The following SLC24A3 variants were observed in gnomAD, a reference collection of about 807,000 sequenced individuals.
SLC24A3 encodes the protein solute carrier family 24 member 3.
A neutral mutation model predicts 75.8 loss-of-function variants in SLC24A3; 28 were observed. The ratio of observed to expected loss-of-function variants is 0.37; its 90% CI spans 0.27 to 0.51. The LOEUF (loss-of-function observed/expected upper bound fraction) is 0.51, where lower values mean the gene tolerates loss of function less well. SLC24A3 is among the 20% of genes least tolerant of loss of function. The pLI, the probability that SLC24A3 is intolerant of heterozygous loss-of-function variation, is 0.94. For synonymous variants in SLC24A3, 372 were observed against 334.1 expected, an observed-to-expected ratio of 1.11 and a Z score of -1.24; for missense variants, 663 against 847.8, an observed-to-expected ratio of 0.78 and a Z score of 2.71.
intron 2 of SLC24A3, among the ~76,000 whole-genome samples, chr20:19,292,598 G>A (rs1334019757): frequency 1.3e-5 from 2 of 152,236 alleles, no homozygotes; most frequent in Admixed American, 6.5e-5. Context: ...CGGATGATGG[G>A]GATTTTGGTC....
chr20:19,706,532 A>C (rs1214137232), intron 15 of SLC24A3, among the ~76,000 whole-genome samples: 1 of 152,102 alleles, frequency 6.6e-6, no homozygotes, highest in Non-Finnish European at 1.5e-5. Context: ...GAGCTTGTAG[A>C]ATACCAAGAT....
chr20:19,227,004 T>TGAAA (rs1201098779), intron 1 of SLC24A3, among the ~76,000 whole-genome samples: 33 of 152,352 alleles, frequency 2.2e-4, no homozygotes, highest in African/African-American at 7.9e-4. Flanking sequence ...AAGGTGGTAT[T>TGAAA]TCAGCATCAA....
At chr20:19,515,015 G>A (rs543684148) in intron 2 of SLC24A3, among the ~76,000 whole-genome samples, 1 of 152,326 alleles carries the variant, frequency 6.6e-6, no homozygotes, top group East Asian at 1.9e-4. Context: ...ATCCAGTGAA[G>A]CCTACAGCCC....
chr20:19,523,548 A>C (rs1033586551), intron 3 of SLC24A3, among the ~76,000 whole-genome samples: 4 of 152,238 alleles, frequency 2.6e-5, no homozygotes, highest in Admixed American at 2.6e-4. Context: ...AGGTCTAATC[A>C]TTCAGCCCCA....
chr20:19,267,369 G>T (rs1005492169), intron 1 of SLC24A3, among the ~76,000 whole-genome samples: 12 of 152,232 alleles, frequency 7.9e-5, no homozygotes, highest in African/African-American at 2.9e-4. Flanking sequence ...ACTAAATCAA[G>T]ATATTAAATT....
chr20:19,584,584 ACCTACCG>A (rs2031267190), intron 4 of SLC24A3, among the ~76,000 whole-genome samples: 1 of 152,150 alleles, frequency 6.6e-6, no homozygotes, highest in African/African-American at 2.4e-5. Flanking sequence ...ATAGCCTCAG[ACCTACCG>A]CCTGCTGTGG....
intron 6 of SLC24A3, among the ~76,000 whole-genome samples, chr20:19,622,151 C>A (rs6081685): frequency 2.6e-5 from 4 of 152,184 alleles, no homozygotes; most frequent in Non-Finnish European, 5.9e-5. Context: ...TGCCACGAAC[C>A]TTCAGGAACT....
At chr20:19,234,748 T>C (rs1286196181) in intron 1 of SLC24A3, among the ~76,000 whole-genome samples, 1 of 152,200 alleles carries the variant, frequency 6.6e-6, no homozygotes, top group Non-Finnish European at 1.5e-5. Context: ...AAGGTATTTC[T>C]AAAGGGTCTG....
intron 9 of SLC24A3, among the ~76,000 whole-genome samples, chr20:19,679,614 C>T (rs1258325211): frequency 6.6e-6 from 1 of 151,848 alleles, no homozygotes; most frequent in Non-Finnish European, 1.5e-5. Context: ...GAGGGAGACT[C>T]ACTCTTTTAG....
chr20:19,595,570 T>A (rs917537000), intron 6 of SLC24A3, among the ~76,000 whole-genome samples: 5 of 152,160 alleles, frequency 3.3e-5, no homozygotes, highest in African/African-American at 1.2e-4. Flanking sequence ...CTGGGTAGCA[T>A]TTGAGACACA....
At chr20:19,585,190 A>T in intron 5 of SLC24A3, 135 bp downstream of exon 5, 1 of 805,158 alleles carries the variant, frequency 1.2e-6, no homozygotes, top group Non-Finnish European at 2.0e-6. Context: ...TGAGTAGAAC[A>T]TCAGCCTCCC....
At chr20:19,282,850 T>G (rs1380277935) in intron 2 of SLC24A3, among the ~76,000 whole-genome samples, 2 of 152,162 alleles carry the variant, frequency 1.3e-5, no homozygotes, top group African/African-American at 4.8e-5. Context: ...GCTCACTGTA[T>G]TGGGAAATAC....
At chr20:19,269,482 C>T (rs1983261424) in intron 1 of SLC24A3, among the ~76,000 whole-genome samples, 1 of 152,230 alleles carries the variant, frequency 6.6e-6, no homozygotes, top group Non-Finnish European at 1.5e-5. Context: ...CTGACAATTT[C>T]TGTCTGAAAG....
chr20:19,586,549 C>T (rs1416348879), intron 6 of SLC24A3, among the ~76,000 whole-genome samples: 2 of 152,184 alleles, frequency 1.3e-5, no homozygotes, highest in Admixed American at 6.5e-5. Flanking sequence ...TGCCAGGGCC[C>T]TCACCCCACA....
chr20:19,320,502 G>A (rs1984683335), intron 2 of SLC24A3, among the ~76,000 whole-genome samples: 2 of 151,930 alleles, frequency 1.3e-5, no homozygotes, highest in Admixed American at 6.6e-5. Flanking sequence ...TTCATGTCTG[G>A]CTTTATGTCC....
chr20:19,235,960 A>T (rs1281977768), intron 1 of SLC24A3, among the ~76,000 whole-genome samples: 4 of 152,236 alleles, frequency 2.6e-5, no homozygotes, highest in African/African-American at 9.6e-5. Flanking sequence ...AACCCAATAA[A>T]GAAATAGTTT....
In SLC24A3 at chr20:19,273,435, A is replaced by G. The variant is rs4273283; in HGVS notation, c.143-7524A>G. On this transcript the variant is annotated intron_variant, in intron 1 of 16. Coordinates refer to ENST00000328041, the MANE Select transcript of SLC24A3 (RefSeq NM_020689.4). ...CTTAGCCACCCCTCTCCCTTTCTCCATCAGGACTTCTGCTTTCTCTGTGCC... is the reference window on the plus strand; with the variant it reads ...CTTAGCCACCCCTCTCCCTTTCTCCGTCAGGACTTCTGCTTTCTCTGTGCC... Among the ~76,000 whole-genome samples the G allele has an allele frequency of 0.054, 8,143 of 152,082 alleles. 1,427 individuals are homozygous for G. The East Asian group carries it at 0.6, about 11-fold the overall frequency.
At position 19,552,339 on chromosome 20, in the gene SLC24A3, C is replaced by T. The variant is rs2030710867; in HGVS notation, c.349-27661C>T. 3.3e-5 allele frequency among the ~76,000 whole-genome samples: 5 copies of T among 152,310 alleles called. No individual in the cohort carries two copies. In the South Asian group the frequency reaches 8.3e-4, roughly 25 times the overall value. On this transcript the variant is annotated intron_variant, in intron 3 of 16. Transcript: ENST00000328041. ...CCTGTCTGCGCAAGCAAAGCTCCTC[C>T]CTCTCACATTGCTGTCTACACAGCC...
chr20:19,265,177 G>C (rs1045178992), intron 1 of SLC24A3, among the ~76,000 whole-genome samples: 1 of 152,214 alleles, frequency 6.6e-6, no homozygotes, highest in African/African-American at 2.4e-5. Flanking sequence ...GCTGTCAGTT[G>C]GCCCAGGCTA....
Sources: gnomAD v4.1 joint callset for allele counts (sites outside exome capture counted in the v4.1 genomes callset) on GRCh38, gnomAD v4.1.1 for gene constraint, MANE v1.5 for transcripts, NCBI Gene and HGNC (gene_info 2026-07-23, HGNC 2026-07-21) for gene names.